Variants in SPIDR observed in about 807,000 individuals in gnomAD.
The protein encoded by SPIDR is DNA repair-scaffolding protein.
In SPIDR, 93 loss-of-function variants were observed where a neutral mutation model predicts 104.6. That is an observed-to-expected ratio of 0.89 (90% CI 0.75 to 1.06). The LOEUF is 1.06. Ranked by LOEUF, SPIDR falls within the 50% of genes least tolerant of loss-of-function variation. The pLI is 0.00. For missense variants in SPIDR, 1,154 were observed against 1,111.2 expected (o/e 1.04, Z -0.55); for synonymous variants, 431 against 416.9 (o/e 1.03, Z -0.41).
At position 47,599,086 on chromosome 8, in the gene SPIDR, A is replaced by G. The variant is rs757250912; in HGVS notation, c.1434A>G (p.Pro478=). 3.1e-6 allele frequency: 5 copies of G among 1,612,942 alleles called. No homozygotes were observed. The highest frequency in any genetic ancestry group is 1.3e-5 in the African/African-American group (1 of 75,036). Residue 478 remains proline (P), a synonymous_variant, in exon 10 of 20, where the codon CCA becomes CCG. Coordinates refer to ENST00000297423, the MANE Select transcript of SPIDR (RefSeq NM_001080394.4). ...VVESQGAASW[P]GAGVRVVVQR... ...AAAGCCAGGGAGCTGCCTCGTGGCC[A>G]GGAGCTGGAGTCCGAGTGGTGGTGC...
At chr8:47,459,163 T>G (rs1044888553) in intron 8 of SPIDR, among the ~76,000 whole-genome samples, 1 of 152,150 alleles carries the variant, frequency 6.6e-6, no homozygotes, top group African/African-American at 2.4e-5. Context: ...ATAGAATGAT[T>G]TAGGGAGGAT....
chr8:47,308,578 CA>C (rs1364464155), intron 5 of SPIDR, among the ~76,000 whole-genome samples: 2 of 120,120 alleles, frequency 1.7e-5, no homozygotes, highest in East Asian at 5.3e-4. Flanking sequence ...ATCTGACTCC[CA>C]AAAGGGAAAA....
At chr8:47,321,551 A>G (rs979150498) in intron 5 of SPIDR, among the ~76,000 whole-genome samples, 2 of 152,222 alleles carry the variant, frequency 1.3e-5, no homozygotes, top group African/African-American at 2.4e-5. Flanking sequence ...TGCGATCCCC[A>G]TCAAGCTACC....
At chr8:47,347,649 A>G (rs1319060252) in intron 5 of SPIDR, among the ~76,000 whole-genome samples, 1 of 152,202 alleles carries the variant, frequency 6.6e-6, no homozygotes, top group Non-Finnish European at 1.5e-5. Context: ...TATTGGGTGC[A>G]TACATATTTA....
At chr8:47,674,130 C>T (rs775252154) in intron 11 of SPIDR, among the ~76,000 whole-genome samples, 189 bp downstream of exon 11, 1 of 151,904 alleles carries the variant, frequency 6.6e-6, no homozygotes, top group African/African-American at 2.4e-5. Context: ...CAATTGACAA[C>T]GAAAAGAATT....
At chr8:47,649,693 T>C (rs1425604466) in intron 10 of SPIDR, among the ~76,000 whole-genome samples, 1 of 152,170 alleles carries the variant, frequency 6.6e-6, no homozygotes, top group Non-Finnish European at 1.5e-5. Flanking sequence ...AGGGGTATCA[T>C]GTCAAGAAGT....
At chr8:47,472,183 G>C (rs2075798631) in intron 8 of SPIDR, among the ~76,000 whole-genome samples, 1 of 152,244 alleles carries the variant, frequency 6.6e-6, no homozygotes, top group African/African-American at 2.4e-5. Context: ...AGGCCTTGCT[G>C]TGTTGAACAA....
intron 8 of SPIDR, among the ~76,000 whole-genome samples, chr8:47,567,224 TA>T (rs770639537): frequency 0.011 from 1,448 of 137,772 alleles, 10 homozygotes; most frequent in Non-Finnish European, 0.016. Flanking sequence ...TATATATATA[TA>T]TATTTTTTTT....
chr8:47,614,905 G>A (rs2064091108), intron 10 of SPIDR, among the ~76,000 whole-genome samples: 1 of 152,104 alleles, frequency 6.6e-6, no homozygotes, highest in Admixed American at 6.5e-5. Flanking sequence ...ACTGACATGA[G>A]ATGGTATCTC....
At chr8:47,609,436 G>A (rs2063354035) in intron 10 of SPIDR, among the ~76,000 whole-genome samples, 1 of 152,140 alleles carries the variant, frequency 6.6e-6, no homozygotes, top group Admixed American at 6.5e-5. Context: ...CCAACATTGT[G>A]GGTTGGACCC....
At chr8:47,337,275 G>A (rs892962645) in intron 5 of SPIDR, among the ~76,000 whole-genome samples, 1 of 152,024 alleles carries the variant, frequency 6.6e-6, no homozygotes, top group African/African-American at 2.4e-5. Flanking sequence ...CTACAGAGGG[G>A]CCTACCACCA....
intron 10 of SPIDR, among the ~76,000 whole-genome samples, chr8:47,620,395 C>G (rs1007981082): frequency 2.0e-5 from 3 of 150,628 alleles, no homozygotes; most frequent in African/African-American, 7.3e-5. Flanking sequence ...CTGCCTCACC[C>G]TTCCAAGTAA....
chr8:47,718,837 C>T (rs1037225271), intron 16 of SPIDR, among the ~76,000 whole-genome samples: 4 of 152,004 alleles, frequency 2.6e-5, no homozygotes, highest in South Asian at 4.1e-4. Flanking sequence ...AATAGGTAGA[C>T]GTGTGCCATG....
At chr8:47,552,137 A>G (rs893183265) in intron 8 of SPIDR, among the ~76,000 whole-genome samples, 2 of 152,162 alleles carry the variant, frequency 1.3e-5, no homozygotes, top group African/African-American at 2.4e-5. Context: ...TCTGAGAGAC[A>G]GTTTGTTACA....
intron 8 of SPIDR, chr8:47,592,274 G>C: frequency 2.5e-6 from 3 of 1,191,882 alleles, no homozygotes; most frequent in Non-Finnish European, 3.8e-6. Flanking sequence ...ACATAACAAG[G>C]CCTGGGTTGA....
rs1281201179 is a variant in SPIDR, at chr8:47,735,808, T to G, written c.*358T>G. 8.8e-5 allele frequency: 39 copies of G among 442,776 alleles called. No individual in the cohort carries two copies. The East Asian group carries it at 1.8e-3, about 20-fold the overall frequency. 27.4% of individuals were successfully genotyped at this position (442,776 alleles called of 1,614,324 possible). A position where few individuals can be genotyped will look rare whatever the true frequency, so the allele number is the denominator to read the frequency against. ...GAACATTTTACCATGATTGAACATG[T>G]TTTTATTACAGTATTTAACATTCCC... On this transcript the variant is annotated 3_prime_UTR_variant, in exon 20 of 20. Coordinates refer to ENST00000297423, the MANE Select transcript of SPIDR (RefSeq NM_001080394.4).
At chr8:47,601,842 C>T (rs1403753903) in intron 10 of SPIDR, among the ~76,000 whole-genome samples, 1 of 152,142 alleles carries the variant, frequency 6.6e-6, no homozygotes, top group African/African-American at 2.4e-5. Flanking sequence ...TTGGAACTAA[C>T]GGCCGTAGTG....
At chr8:47,275,056 G>A (rs1417543939) in intron 1 of SPIDR, among the ~76,000 whole-genome samples, 6 of 151,220 alleles carry the variant, frequency 4.0e-5, no homozygotes, top group East Asian at 2.0e-4. Context: ...TCAGGAGATC[G>A]AGACCATCCT....
At chr8:47,342,804 T>G (rs1554614938) in intron 5 of SPIDR, among the ~76,000 whole-genome samples, 1 of 152,210 alleles carries the variant, frequency 6.6e-6, no homozygotes, top group Non-Finnish European at 1.5e-5. Context: ...CTGTACTGTA[T>G]TAATAGAGTC....
Sources: gnomAD v4.1 joint callset for allele counts (sites outside exome capture counted in the v4.1 genomes callset) on GRCh38, gnomAD v4.1.1 for gene constraint, MANE v1.5 for transcripts, NCBI Gene and HGNC (gene_info 2026-07-23, HGNC 2026-07-21) for gene names.